The following SLC25A48 variants were observed in gnomAD, a reference collection of about 807,000 sequenced individuals.
SLC25A48 encodes solute carrier family 25 member 48.
In SLC25A48, 29 loss-of-function variants were observed where a neutral mutation model predicts 32.2. The observed-to-expected ratio is 0.90, with a 90% CI of 0.67 to 1.23. The LOEUF (loss-of-function observed/expected upper bound fraction) is 1.23. Among genes scored for constraint, SLC25A48 ranks in the 50% most tolerant of loss-of-function variants. SLC25A48 has a pLI of 0.00. For synonymous variants in SLC25A48, 164 were observed against 172.3 expected (o/e 0.95, Z 0.38); for missense variants, 399 against 422.7 (o/e 0.94, Z 0.49).
intron 3 of SLC25A48, among the ~76,000 whole-genome samples, chr5:135,766,509 A>G (rs115964354): frequency 0.015 from 2,329 of 151,038 alleles, 43 homozygotes; most frequent in African/African-American, 0.044. Flanking sequence ...AGAGGGTAAC[A>G]TTACTCCTCA....
intron 4 of SLC25A48, among the ~76,000 whole-genome samples, chr5:135,856,966 A>C (rs933791598): frequency 2.6e-5 from 4 of 151,748 alleles, no homozygotes; most frequent in African/African-American, 9.7e-5. Flanking sequence ...CTCAGCAATG[A>C]GGCTTTTTGG....
chr5:135,662,352 G>T (rs886759083), intron 3 of SLC25A48, among the ~76,000 whole-genome samples: 1 of 152,170 alleles, frequency 6.6e-6, no homozygotes, highest in Non-Finnish European at 1.5e-5. Flanking sequence ...TAAAGACTTT[G>T]CTGCAGAAGC....
At chr5:135,822,573 A>G (rs940365647) in intron 4 of SLC25A48, among the ~76,000 whole-genome samples, 2 of 152,068 alleles carry the variant, frequency 1.3e-5, no homozygotes, top group Admixed American at 6.5e-5. Flanking sequence ...TCTGTGTCCA[A>G]ATTTCCCTCA....
At chr5:135,699,273 T>A (rs1387315020) in intron 3 of SLC25A48, among the ~76,000 whole-genome samples, 1 of 152,142 alleles carries the variant, frequency 6.6e-6, no homozygotes, top group East Asian at 1.9e-4. Context: ...ACAAACCAAG[T>A]GTTCAACAGG....
chr5:135,737,046 A>T (rs546056868), intron 3 of SLC25A48, among the ~76,000 whole-genome samples: 1 of 152,162 alleles, frequency 6.6e-6, no homozygotes, highest in Non-Finnish European at 1.5e-5. Flanking sequence ...CAGAGGATTG[A>T]TCTCCCGAGG....
rs1416839807 is a variant in SLC25A48 at position 135,787,935 on chromosome 5, CA to C, written c.-520-24586del. ...TTGGGGGATGTTACTCCTAAAGTCA[CA>C]ACGGTGGTATACCCTGTGATATTAT... is the stretch of plus-strand genomic sequence containing the variant. On this transcript the variant is annotated intron_variant, in intron 3 of 10. Transcript: ENST00000646290. Among the ~76,000 whole-genome samples the C allele has an allele frequency of 2.0e-5, 3 of 151,952 alleles. 1 individual carries two copies. The highest frequency in any genetic ancestry group is 4.4e-5 in the Non-Finnish European group (3 of 67,982).
chr5:135,684,746 G>A (rs1279282984), intron 3 of SLC25A48, among the ~76,000 whole-genome samples: 3 of 152,178 alleles, frequency 2.0e-5, no homozygotes, highest in Admixed American at 6.5e-5. Context: ...GTTGAAATTT[G>A]TTTCACATAA....
rs1752434125 is a variant in SLC25A48, at chr5:135,626,046, G to A, written c.-848-3191G>A. 2.0e-5 allele frequency among the ~76,000 whole-genome samples: 3 copies of A among 152,232 alleles called. No homozygotes were observed. In the South Asian group the frequency reaches 6.2e-4, roughly 32 times the overall value. On this transcript the variant is annotated intron_variant, in intron 1 of 10. Transcript: ENST00000646290. ...AGTCAACAGCAGGCCCTAAAACCCA[G>A]GCTGAACCTGATGAAATAAACCTCA... is the stretch of plus-strand genomic sequence containing the variant.
chr5:135,884,294 C>T (rs551737865), intron 7 of SLC25A48, among the ~76,000 whole-genome samples: 10 of 152,278 alleles, frequency 6.6e-5, no homozygotes, highest in Non-Finnish European at 1.0e-4. Context: ...GAAAGTGTTC[C>T]GTCTCTTCGG....
chr5:135,807,426 CTT>C (rs1255358899), intron 3 of SLC25A48, among the ~76,000 whole-genome samples: 2 of 150,530 alleles, frequency 1.3e-5, no homozygotes, highest in Non-Finnish European at 3.0e-5. Context: ...TGTGTTAACA[CTT>C]GATATTATAA....
intron 2 of SLC25A48, among the ~76,000 whole-genome samples, chr5:135,631,741 G>C (rs906180551): frequency 2.0e-5 from 3 of 152,310 alleles, no homozygotes; most frequent in Non-Finnish European, 4.4e-5. Flanking sequence ...GGGAGAATCT[G>C]TTTTGAGGAT....
chr5:135,726,834 T>C (rs982656824), intron 3 of SLC25A48, among the ~76,000 whole-genome samples: 1 of 152,244 alleles, frequency 6.6e-6, no homozygotes, highest in African/African-American at 2.4e-5. Context: ...TGCCCAGAAG[T>C]GCAGTTGCTG....
intron 1 of SLC25A48, among the ~76,000 whole-genome samples, chr5:135,585,233 G>T (rs1265875779): frequency 1.3e-5 from 2 of 152,156 alleles, no homozygotes; most frequent in Non-Finnish European, 2.9e-5. Context: ...CCCACCTCCT[G>T]CCTCTCTCAC....
chr5:135,679,794 G>T (rs1217253642), intron 3 of SLC25A48, among the ~76,000 whole-genome samples: 1 of 152,140 alleles, frequency 6.6e-6, no homozygotes, highest in African/African-American at 2.4e-5. Context: ...GATGCAGTCT[G>T]CTGGAGCTGG....
In SLC25A48 at chr5:135,786,750, G is replaced by A. The variant is rs181576069; in HGVS notation, c.-520-25773G>A. ...CTGGCGAGATGTTATATTTAATGTCGCAGTGGGTGTACACCCTGTGTCATT... is the reference window on the plus strand; with the variant it reads ...CTGGCGAGATGTTATATTTAATGTCACAGTGGGTGTACACCCTGTGTCATT... On this transcript the variant is annotated intron_variant, in intron 3 of 10. Transcript: ENST00000646290. Among the ~76,000 whole-genome samples, 48 of 151,882 alleles carry A rather than the reference G, an allele frequency of 3.2e-4. No individual in the cohort carries two copies. The South Asian group carries it at 5.6e-3, about 18-fold the overall frequency.
chr5:135,777,571 G>A (rs1402673827), intron 3 of SLC25A48, among the ~76,000 whole-genome samples: 1 of 151,432 alleles, frequency 6.6e-6, no homozygotes, highest in African/African-American at 2.4e-5. Flanking sequence ...AAAAAAGGAG[G>A]ATAATATTAC....
At chr5:135,763,790 C>CACGA (rs1554072856) in intron 3 of SLC25A48, among the ~76,000 whole-genome samples, 6 of 151,314 alleles carry the variant, frequency 4.0e-5, no homozygotes, top group South Asian at 4.2e-4. Flanking sequence ...CACACACACA[C>CACGA]GAGAGAGAGA....
At chr5:135,841,626 C>T (rs932534243) in intron 1 of SLC25A48, among the ~76,000 whole-genome samples, 5 of 151,576 alleles carry the variant, frequency 3.3e-5, no homozygotes, top group Non-Finnish European at 5.9e-5. Flanking sequence ...AAAGAGTGAT[C>T]AATTTGAGAA....
At chr5:135,843,025 A>G (rs1759132495) in intron 2 of SLC25A48, among the ~76,000 whole-genome samples, 2 of 152,342 alleles carry the variant, frequency 1.3e-5, no homozygotes, top group South Asian at 2.1e-4. Flanking sequence ...GACCGTTTTC[A>G]AATGGCTGCT....
Sources: gnomAD v4.1 joint callset for allele counts (sites outside exome capture counted in the v4.1 genomes callset) on GRCh38, gnomAD v4.1.1 for gene constraint, MANE v1.5 for transcripts, NCBI Gene and HGNC (gene_info 2026-07-23, HGNC 2026-07-21) for gene names.